GOLGA8A: variants seen among roughly 807,000 people sequenced by gnomAD.
GOLGA8A encodes the protein golgin subfamily A member 8A.
Under a neutral mutation model 22.1 loss-of-function variants are expected in GOLGA8A, and 3 were observed. That is an observed-to-expected ratio of 0.14 (90% CI 0.06 to 0.35). The LOEUF is 0.35. GOLGA8A is among the 10% of genes least tolerant of loss of function. The probability of loss-of-function intolerance (pLI) is 1.00; values close to 1 mark genes in which losing one functional copy is unlikely to be tolerated. For synonymous variants in GOLGA8A, 7 were observed against 91.7 expected (o/e 0.08, Z 5.28); for missense variants, 16 against 233.2 (o/e 0.07, Z 6.07).
chr15:34,436,905 G>C (rs2554780), intron 1 of GOLGA8A, among the ~76,000 whole-genome samples: 81,612 of 148,766 alleles, frequency 0.55, 26,807 homozygotes, highest in Non-Finnish European at 0.66. Context: ...AAGGGAAGGG[G>C]CGAAGATCCG....
intron 2 of GOLGA8A, chr15:34,419,019 C>G (rs1190166369): frequency 7.1e-6 from 1 of 141,676 alleles, no homozygotes; most frequent in Non-Finnish European, 1.5e-5. Context: ...ATTCTGTGGC[C>G]TCAGCCTCCC....
In GOLGA8A at chr15:34,432,593, G is replaced by A. The variant is rs76438574; in HGVS notation, c.-1123+2790C>T. Among the ~76,000 whole-genome samples the A allele has an allele frequency of 1.3e-5, 2 of 149,420 alleles. 1 individual carries two copies. The highest frequency in any genetic ancestry group is 3.9e-4 in the East Asian group (2 of 5,094). ...TGGAACTCAACACACAGAATTGCCC[G>A]ATGATGTGTGTTTCATTCCAGTGGT... On this transcript the variant is annotated intron_variant, in intron 2 of 24. Coordinates refer to ENST00000359187, the MANE Select transcript of GOLGA8A (RefSeq NM_181077.5).
chr15:34,436,484 T>A (rs932277945), intron 1 of GOLGA8A, among the ~76,000 whole-genome samples: 1 of 149,498 alleles, frequency 6.7e-6, no homozygotes, highest in African/African-American at 2.5e-5. Context: ...TCTGAAGAGA[T>A]CTGAAAAAGT....
intron 5 of GOLGA8A, 27 bp from the exon 6 acceptor site, chr15:34,400,786 A>C (rs1220624144): frequency 1.4e-5 from 2 of 146,020 alleles, no homozygotes; most frequent in African/African-American, 4.9e-5. Flanking sequence ...GAGAGAAAAT[A>C]CTGACATTAG....
intron 2 of GOLGA8A, among the ~76,000 whole-genome samples, chr15:34,435,148 G>C (rs900426897): frequency 6.7e-6 from 1 of 149,402 alleles, no homozygotes; most frequent in East Asian, 2.0e-4. Flanking sequence ...GAGGAGTGCC[G>C]GAGAGGAGCT....
chr15:34,434,750 C>T (rs1193747792), intron 2 of GOLGA8A, among the ~76,000 whole-genome samples: 2 of 149,378 alleles, frequency 1.3e-5, no homozygotes, highest in East Asian at 3.9e-4. Context: ...TCAAACCTGA[C>T]CTACATCTGG....
chr15:34,431,673 C>T (rs1369083428), intron 2 of GOLGA8A, among the ~76,000 whole-genome samples: 2 of 148,606 alleles, frequency 1.3e-5, no homozygotes, highest in African/African-American at 5.0e-5. Flanking sequence ...GGGCACTTTC[C>T]ATGAATGGAC....
chr15:34,431,042 T>C (rs1369486724), intron 2 of GOLGA8A, among the ~76,000 whole-genome samples: 1 of 148,618 alleles, frequency 6.7e-6, no homozygotes, highest in Non-Finnish European at 1.5e-5. Context: ...ATGCACACAC[T>C]TGCTTCCAGA....
At chr15:34,400,600 CT>C (rs1892019862) in intron 6 of GOLGA8A, 111 bp downstream of exon 6, 1 of 137,566 alleles carries the variant, frequency 7.3e-6, no homozygotes, top group Non-Finnish European at 1.6e-5. Flanking sequence ...AGGAAGATAC[CT>C]TCCTAGTTTT....
chr15:34,434,513 C>T lies in GOLGA8A; in HGVS notation c.-1123+870G>A, dbSNP rs116677336. Among the ~76,000 whole-genome samples the T allele has an allele frequency of 4.0e-5, 6 of 149,036 alleles. 1 individual carries two copies. Among genetic ancestry groups the T allele is most frequent in the African/African-American group, 1.2e-4 (5 of 40,374 alleles). ...GATTGGCTTCAGGAGAGGCGAGAAA[C>T]GACAGTGCCCATGACAGCTGACTCA... is the stretch of plus-strand genomic sequence containing the variant. On this transcript the variant is annotated intron_variant, in intron 2 of 24. Transcript: ENST00000359187.
intron 1 of GOLGA8A, among the ~76,000 whole-genome samples, chr15:34,435,781 G>C (rs1295017508): frequency 6.7e-6 from 1 of 148,908 alleles, no homozygotes; most frequent in Non-Finnish European, 1.5e-5. Context: ...CCATCACCCA[G>C]TCCCAGCCCA....
Position 34,379,089 on chromosome 15 carries a change from A to T in GOLGA8A, c.*2322T>A, listed in dbSNP as rs1891346557. The T allele has an allele frequency of 1.3e-5, 2 of 152,650 alleles. No individual in the cohort carries two copies. The highest frequency in any genetic ancestry group is 1.3e-4 in the Admixed American group (2 of 15,284). 9.5% of individuals were successfully genotyped at this position (152,650 alleles called of 1,614,324 possible). On this transcript the variant is annotated 3_prime_UTR_variant, in exon 25 of 25. Coordinates refer to ENST00000359187, the MANE Select transcript of GOLGA8A (RefSeq NM_181077.5). ...GCACTTTGCAACAATTTAAAAATTTATTGCATTACAGTAGCATCACATCAG... is the reference window on the plus strand; with the variant it reads ...GCACTTTGCAACAATTTAAAAATTTTTTGCATTACAGTAGCATCACATCAG...
rs555566576 is a variant in GOLGA8A at position 34,426,190 on chromosome 15, CG to C, written c.-1123+9192del. Among the ~76,000 whole-genome samples, 42 of 149,514 alleles carry C rather than the reference CG, an allele frequency of 2.8e-4. 5 individuals carry two copies. In the South Asian group the frequency reaches 9.0e-3, roughly 32 times the overall value. ...CAGCATTCTCCGTGAGTGTGAAAAACGGAACAACCCAAAAGTTCAATAAATA... is the reference window on the plus strand; with the variant it reads ...CAGCATTCTCCGTGAGTGTGAAAAACGAACAACCCAAAAGTTCAATAAATA... On this transcript the variant is annotated intron_variant, in intron 2 of 24. Transcript: ENST00000359187.
chr15:34,405,764 T>TG (rs1188491300), intron 4 of GOLGA8A, among the ~76,000 whole-genome samples: 1 of 139,324 alleles, frequency 7.2e-6, no homozygotes, highest in Non-Finnish European at 1.6e-5. Flanking sequence ...CATCAGAGCC[T>TG]GGGAGGTTGT....
At chr15:34,429,575 T>G (rs557058546) in intron 2 of GOLGA8A, among the ~76,000 whole-genome samples, 2 of 149,162 alleles carry the variant, frequency 1.3e-5, no homozygotes, top group East Asian at 3.9e-4. Context: ...TAGGAGGGCC[T>G]TGGACCCAGA....
chr15:34,436,585 T>A lies in GOLGA8A; in HGVS notation c.-1212+813A>T, dbSNP rs560011919. ...ACTGGGGTGCTGCAGGACAGGCCCCTCCGCGGGCGTTCCCCGCACCCTCCC... is the reference window on the plus strand; with the variant it reads ...ACTGGGGTGCTGCAGGACAGGCCCCACCGCGGGCGTTCCCCGCACCCTCCC... On this transcript the variant is annotated intron_variant, in intron 1 of 24. Transcript: ENST00000359187. Among the ~76,000 whole-genome samples the A allele has an allele frequency of 5.3e-5, 8 of 150,178 alleles. 1 individual carries two copies. The highest frequency in any genetic ancestry group is 1.5e-4 in the African/African-American group (6 of 40,876).
intron 2 of GOLGA8A, among the ~76,000 whole-genome samples, chr15:34,424,415 A>T (rs1892900854): frequency 7.1e-6 from 1 of 141,242 alleles, no homozygotes; most frequent in African/African-American, 2.6e-5. Flanking sequence ...CGACGATGGC[A>T]AATGATTCTC....
intron 2 of GOLGA8A, among the ~76,000 whole-genome samples, chr15:34,431,297 A>ATATATATATATATATATATAT (rs1893223570): frequency 1.0e-4 from 1 of 9,904 alleles, no homozygotes; most frequent in Non-Finnish European, 2.9e-4. Flanking sequence ...AAAATTATAT[A>ATATATATATATATATATATAT]TATATATATA....
intron 2 of GOLGA8A, among the ~76,000 whole-genome samples, chr15:34,431,513 C>T (rs957310823): frequency 2.7e-5 from 4 of 147,732 alleles, no homozygotes; most frequent in African/African-American, 1.0e-4. Context: ...TACAAACCTA[C>T]TACAACACAC....
Sources: allele counts gnomAD v4.1 joint callset (sites outside exome capture counted in the v4.1 genomes callset), GRCh38; gene constraint gnomAD v4.1.1; transcripts MANE v1.5; gene names NCBI Gene and HGNC (gene_info 2026-07-23, HGNC 2026-07-21).